Variants in PTPN2 observed in about 807,000 individuals in gnomAD.
PTPN2 encodes the protein tyrosine-protein phosphatase non-receptor type 2.
In PTPN2, 19 loss-of-function variants were observed where a neutral mutation model predicts 57.3. The observed-to-expected ratio is 0.33, with a 90% CI of 0.23 to 0.49. The LOEUF (loss-of-function observed/expected upper bound fraction) is 0.49, where lower values mean the gene tolerates loss of function less well. Among genes scored for constraint, PTPN2 ranks in the 20% least tolerant of loss-of-function variants. The probability of loss-of-function intolerance (pLI) is 0.99; values close to 1 mark genes in which losing one functional copy is unlikely to be tolerated. For synonymous variants in PTPN2, 153 were observed against 164.9 expected (o/e 0.93, Z 0.55); for missense variants, 358 against 501.1 (o/e 0.71, Z 2.73).
intron 5 of PTPN2, among the ~76,000 whole-genome samples, chr18:12,822,474 G>A (rs1159766713): frequency 1.3e-5 from 2 of 152,174 alleles, no homozygotes; most frequent in African/African-American, 4.8e-5. Flanking sequence ...ACTGAAAGCC[G>A]AGATGCAATC....
chr18:12,852,565 G>C (rs796959083), intron 2 of PTPN2, among the ~76,000 whole-genome samples: 13 of 152,216 alleles, frequency 8.5e-5, no homozygotes, highest in African/African-American at 3.1e-4. Context: ...GCTCAGGCTG[G>C]AGTGCAGTGG....
chr18:12,880,378 C>T (rs1342839227), intron 1 of PTPN2: 1 of 152,208 alleles, frequency 6.6e-6, no homozygotes, highest in Non-Finnish European at 1.5e-5. Context: ...GAAAGCCGTT[C>T]AAGGGTTTAA....
Position 12,793,354 on chromosome 18 carries a change from GCTT to G in PTPN2, c.*921_*923del. ...CTGAAATTATGAATCATAAAATGCT[GCTT>G]CTTACTTTTGCTTCCTAAATCATAA... On this transcript the variant is annotated 3_prime_UTR_variant, in exon 9 of 9. Transcript: ENST00000309660. The G allele has an allele frequency of 1.0e-6, 1 of 977,328 alleles. No homozygotes were observed. The highest frequency in any genetic ancestry group is 1.2e-6 in the Non-Finnish European group (1 of 822,094). 60.5% of individuals were successfully genotyped at this position (977,328 alleles called of 1,614,324 possible). A position where few individuals can be genotyped will look rare whatever the true frequency, so the allele number is the denominator to read the frequency against.
At chr18:12,844,639 T>C (rs868205288) in intron 2 of PTPN2, among the ~76,000 whole-genome samples, 7 of 152,216 alleles carry the variant, frequency 4.6e-5, no homozygotes, top group African/African-American at 1.7e-4. Context: ...GAGTTCTATA[T>C]ATAGTCCAGA....
At chr18:12,803,483 T>C (rs2041505126) in intron 7 of PTPN2, among the ~76,000 whole-genome samples, 1 of 152,126 alleles carries the variant, frequency 6.6e-6, no homozygotes, top group African/African-American at 2.4e-5. Flanking sequence ...AATCCAACTC[T>C]ATGTTGCCTA....
intron 1 of PTPN2, among the ~76,000 whole-genome samples, chr18:12,873,569 C>T (rs1241454964): frequency 6.6e-6 from 1 of 152,246 alleles, no homozygotes; most frequent in Non-Finnish European, 1.5e-5. Context: ...GGATTGCAGA[C>T]GGTGTCTGGT....
At chr18:12,814,801 GT>G (rs1205943444) in intron 6 of PTPN2, among the ~76,000 whole-genome samples, 1 of 151,992 alleles carries the variant, frequency 6.6e-6, no homozygotes, top group East Asian at 1.9e-4. Flanking sequence ...TCTAACAATG[GT>G]GGAAAAGAGG....
intron 2 of PTPN2, among the ~76,000 whole-genome samples, chr18:12,857,125 T>C (rs1220085563): frequency 2.7e-5 from 4 of 150,608 alleles, no homozygotes. Flanking sequence ...GACTCAAATG[T>C]AGTGTAGTGC....
chr18:12,809,813 T>C (rs1371575535), intron 7 of PTPN2, among the ~76,000 whole-genome samples: 1 of 152,228 alleles, frequency 6.6e-6, no homozygotes, highest in Non-Finnish European at 1.5e-5. Flanking sequence ...AAAAAATCTC[T>C]GGGAAATCCA....
intron 4 of PTPN2, among the ~76,000 whole-genome samples, chr18:12,829,490 C>T (rs974931296): frequency 9.0e-6 from 1 of 111,152 alleles, no homozygotes. Flanking sequence ...GGGCAACAGG[C>T]GAGACTCTGT....
rs766305126 is a variant in PTPN2, at chr18:12,839,978, A to G, written c.161-3087T>C. Among the ~76,000 whole-genome samples the G allele has an allele frequency of 3.5e-4, 53 of 151,992 alleles. 1 individual carries two copies. Among genetic ancestry groups the G allele is most frequent in the Admixed American group, 4.6e-4 (7 of 15,270 alleles). ...AAACAACCCACAGCTTTCACCAAAT[A>G]TATCATTATTGTAAAGACATCTCCT... On this transcript the variant is annotated intron_variant, in intron 2 of 8. Transcript: ENST00000309660.
intron 5 of PTPN2, chr18:12,819,094 CA>C (rs34910954): frequency 0.12 from 31,896 of 268,882 alleles, 2 homozygotes; most frequent in East Asian, 0.18. Flanking sequence ...AACTCCATCT[CA>C]AAAAAAAAAA....
At chr18:12,794,990 A>G (rs373711899) in intron 8 of PTPN2, among the ~76,000 whole-genome samples, 44 of 152,312 alleles carry the variant, frequency 2.9e-4, no homozygotes, top group African/African-American at 9.9e-4. Flanking sequence ...GTACAGTTTT[A>G]TATTGATAAC....
At position 12,793,584 on chromosome 18, in the gene PTPN2, A is replaced by G. The variant is rs1212128007; in HGVS notation, c.*694T>C. 6 of 977,738 alleles carry G rather than the reference A, an allele frequency of 6.1e-6. No individual in the cohort carries two copies. The highest frequency in any genetic ancestry group is 1.8e-5 in the African/African-American group (1 of 57,056). The allele number at this position is 977,738 out of a possible 1,614,324, so 60.6% of individuals were successfully genotyped here. ...TTTAAAATGGGGAAAACTGTAAAAC[A>G]TAAAAGAAATGCAATATATAGTAGA... On this transcript the variant is annotated 3_prime_UTR_variant, in exon 9 of 9. Coordinates refer to ENST00000309660, the MANE Select transcript of PTPN2 (RefSeq NM_002828.4).
chr18:12,791,980 C>A (rs1051538447), downstream of PTPN2, among the ~76,000 whole-genome samples: 1 of 152,140 alleles, frequency 6.6e-6, no homozygotes, highest in Non-Finnish European at 1.5e-5. Context: ...TTAGCAAAGA[C>A]AAACCAATGC....
chr18:12,874,140 C>T (rs933566913), intron 1 of PTPN2, among the ~76,000 whole-genome samples: 1 of 152,082 alleles, frequency 6.6e-6, no homozygotes. Context: ...GGCAGCCGCC[C>T]CGTCCAGGAG....
chr18:12,840,901 T>C (rs1197142295), intron 2 of PTPN2: 4 of 1,547,372 alleles, frequency 2.6e-6, no homozygotes, highest in East Asian at 2.4e-5. Context: ...ACATATCTTC[T>C]CTAACTAGAC....
chr18:12,879,515 C>G (rs2044600597), intron 1 of PTPN2, among the ~76,000 whole-genome samples: 1 of 152,168 alleles, frequency 6.6e-6, no homozygotes, highest in Non-Finnish European at 1.5e-5. Context: ...TACTAAGCAC[C>G]TGATACTGTG....
At chr18:12,873,611 G>A (rs1423929489) in intron 1 of PTPN2, among the ~76,000 whole-genome samples, 1 of 152,312 alleles carries the variant, frequency 6.6e-6, no homozygotes, top group African/African-American at 2.4e-5. Flanking sequence ...CCAGGCTGGA[G>A]TGCAGTGGCG....
Sources: allele counts gnomAD v4.1 joint callset (sites outside exome capture counted in the v4.1 genomes callset), GRCh38; gene constraint gnomAD v4.1.1; transcripts MANE v1.5; gene names NCBI Gene and HGNC (gene_info 2026-07-23, HGNC 2026-07-21).